The following GLI3 variants were observed in gnomAD, a reference collection of about 807,000 sequenced individuals.
GLI3 encodes the protein GLI family zinc finger 3.
GLI3 carries 20 observed loss-of-function variants against 100.8 expected under a neutral mutation model. The observed-to-expected ratio is 0.20, with a 90% CI of 0.14 to 0.29. The LOEUF (loss-of-function observed/expected upper bound fraction) is 0.29. Ranked by LOEUF, GLI3 falls within the 10% of genes least tolerant of loss-of-function variation. GLI3 has a pLI of 1.00. For synonymous variants in GLI3, 938 were observed against 860.5 expected (o/e 1.09, Z -1.58); for missense variants, 2,040 against 2,128.5 (o/e 0.96, Z 0.82).
intron 2 of GLI3, among the ~76,000 whole-genome samples, chr7:42,215,179 G>A (rs1342495808): frequency 6.6e-6 from 1 of 152,032 alleles, no homozygotes; most frequent in Admixed American, 6.6e-5. Context: ...ATTTTGGGGA[G>A]GTGCTGGAAC....
chr7:42,188,249 C>T lies in GLI3; in HGVS notation c.124+34881G>A, dbSNP rs142612992. Among the ~76,000 whole-genome samples, 7 of 152,188 alleles carry T rather than the reference C, an allele frequency of 4.6e-5. No individual in the cohort carries two copies. In the East Asian group the frequency reaches 1.4e-3, roughly 29 times the overall value. On this transcript the variant is annotated intron_variant, in intron 2 of 14. Transcript: ENST00000395925. Reference sequence around the variant, plus strand: ...TCCAGAACTGGAGAGAGTAAAACCACCCAGTTTGTGGTAATTTGTTATAGC... The same window carrying T: ...TCCAGAACTGGAGAGAGTAAAACCATCCAGTTTGTGGTAATTTGTTATAGC...
chr7:42,070,323 C>G (rs1784760126), intron 4 of GLI3, among the ~76,000 whole-genome samples: 2 of 152,290 alleles, frequency 1.3e-5, no homozygotes, highest in South Asian at 4.1e-4. Flanking sequence ...TGTATTTCCA[C>G]CTTGGGAATT....
intron 2 of GLI3, among the ~76,000 whole-genome samples, chr7:42,210,659 A>G (rs936112515): frequency 3.3e-5 from 5 of 152,160 alleles, no homozygotes; most frequent in African/African-American, 1.2e-4. Context: ...AAAATAAAAC[A>G]TGCTTTTTAA....
intron 4 of GLI3, among the ~76,000 whole-genome samples, chr7:42,057,339 G>C (rs1784483522): frequency 6.6e-6 from 1 of 152,208 alleles, no homozygotes; most frequent in South Asian, 2.1e-4. Context: ...AAGTCTGACA[G>C]TGACAAGTGT....
intron 10 of GLI3, among the ~76,000 whole-genome samples, chr7:41,999,872 A>C (rs1654311191): frequency 6.6e-6 from 1 of 152,222 alleles, no homozygotes; most frequent in African/African-American, 2.4e-5. Flanking sequence ...AAAAAAAGAG[A>C]GCACCTGCAG....
chr7:42,104,251 A>C (rs1649964903), intron 3 of GLI3, among the ~76,000 whole-genome samples: 1 of 152,228 alleles, frequency 6.6e-6, no homozygotes, highest in South Asian at 2.1e-4. Flanking sequence ...TCAGAAAAGA[A>C]GATAATGCAT....
At chr7:41,990,426 C>T (rs568787887) in intron 10 of GLI3, among the ~76,000 whole-genome samples, 14 of 152,136 alleles carry the variant, frequency 9.2e-5, no homozygotes, top group Admixed American at 2.0e-4. Flanking sequence ...AAATGAAAAA[C>T]GAGATCCAAT....
intron 3 of GLI3, chr7:42,118,052 A>G (rs1255428077): frequency 3.1e-6 from 1 of 324,882 alleles, no homozygotes; most frequent in East Asian, 4.6e-5. Flanking sequence ...ACTTAACAGG[A>G]AAAGATAAGA....
intron 10 of GLI3, among the ~76,000 whole-genome samples, chr7:42,003,995 A>AT: frequency 6.6e-6 from 1 of 152,332 alleles, no homozygotes; most frequent in East Asian, 1.9e-4. Flanking sequence ...TGCAAAGATG[A>AT]TTTAAGACAT....
chr7:42,180,210 G>A (rs1397801149), intron 2 of GLI3, among the ~76,000 whole-genome samples: 1 of 152,128 alleles, frequency 6.6e-6, no homozygotes, highest in African/African-American at 2.4e-5. Flanking sequence ...GGTGGAGCAG[G>A]GGGAAGACCC....
chr7:42,236,925 G>T (rs1788813659), intron 1 of GLI3, 46 bp downstream of exon 1: 1 of 152,092 alleles, frequency 6.6e-6, no homozygotes, highest in African/African-American at 2.4e-5. Context: ...GGCCGCAGGA[G>T]CGGGCTGCGG....
At chr7:42,205,895 A>T (rs576898066) in intron 2 of GLI3, among the ~76,000 whole-genome samples, 1 of 152,314 alleles carries the variant, frequency 6.6e-6, no homozygotes, top group Admixed American at 6.5e-5. Flanking sequence ...AATGCCACAG[A>T]AAAACGACTA....
At chr7:41,989,220 TATTAAA>T (rs1787916147) in intron 10 of GLI3, among the ~76,000 whole-genome samples, 3 of 152,202 alleles carry the variant, frequency 2.0e-5, no homozygotes, top group Admixed American at 2.0e-4. Context: ...TAAAAAAGAC[TATTAAA>T]CACAGATAGG....
intron 1 of GLI3, among the ~76,000 whole-genome samples, chr7:42,228,494 C>T (rs1272357939): frequency 6.6e-5 from 10 of 152,176 alleles, no homozygotes; most frequent in African/African-American, 2.4e-4. Flanking sequence ...GGTCACCCTG[C>T]TCCTCGGAAT....
intron 2 of GLI3, among the ~76,000 whole-genome samples, chr7:42,197,959 T>C (rs555440217): frequency 1.3e-5 from 2 of 152,106 alleles, no homozygotes; most frequent in Non-Finnish European, 2.9e-5. Flanking sequence ...TACATATAGG[T>C]GTGGCCGCCC....
chr7:42,076,735 A>G lies in GLI3; in HGVS notation c.473+17T>C. 1.4e-6 allele frequency: 2 copies of G among 1,449,484 alleles called. No homozygotes were observed. The highest frequency in any genetic ancestry group is 9.7e-7 in the Non-Finnish European group (1 of 1,029,382). The allele number at this position is 1,449,484 out of a possible 1,614,324, so 89.8% of individuals were successfully genotyped here. On this transcript the variant is annotated intron_variant, in intron 4 of 14. Coordinates refer to ENST00000395925, the MANE Select transcript of GLI3 (RefSeq NM_000168.6). Reference sequence around the variant, plus strand: ...ATCTCGTTCCATTTCATTAATGAAGAAAGTGTTAATACTTACATATGCAAT... The same window carrying G: ...ATCTCGTTCCATTTCATTAATGAAGGAAGTGTTAATACTTACATATGCAAT...
At chr7:41,976,861 G>T (rs1787527069) in intron 12 of GLI3, among the ~76,000 whole-genome samples, 1 of 152,172 alleles carries the variant, frequency 6.6e-6, no homozygotes, top group African/African-American at 2.4e-5. Flanking sequence ...TGTAAGCAAT[G>T]AATTTGGAAT....
intron 2 of GLI3, among the ~76,000 whole-genome samples, chr7:42,195,210 T>G (rs1010836005): frequency 1.3e-5 from 2 of 152,194 alleles, no homozygotes; most frequent in Non-Finnish European, 2.9e-5. Flanking sequence ...CACTGTAGCT[T>G]GAGTCATATA....
At chr7:42,170,287 T>TATATATATATACACACAC (rs1452471645) in intron 2 of GLI3, among the ~76,000 whole-genome samples, 3 of 124,006 alleles carry the variant, frequency 2.4e-5, no homozygotes, top group African/African-American at 9.2e-5. Context: ...TATATATATA[T>TATATATATATACACACAC]ACACACACAT....
Sources: gnomAD v4.1 joint callset for allele counts (sites outside exome capture counted in the v4.1 genomes callset) on GRCh38, gnomAD v4.1.1 for gene constraint, MANE v1.5 for transcripts, NCBI Gene and HGNC (gene_info 2026-07-23, HGNC 2026-07-21) for gene names.